EYA2: variants seen among roughly 807,000 people sequenced by gnomAD.
The protein encoded by EYA2 is protein phosphatase EYA2.
Under a neutral mutation model 69.2 loss-of-function variants are expected in EYA2, and 31 were observed. The ratio of observed to expected loss-of-function variants is 0.45; its 90% CI spans 0.34 to 0.60. The LOEUF (loss-of-function observed/expected upper bound fraction) is 0.60, where lower values mean the gene tolerates loss of function less well. Among genes scored for constraint, EYA2 ranks in the 20% least tolerant of loss-of-function variants. The pLI is 0.02. For synonymous variants in EYA2, 257 were observed against 279.4 expected, an observed-to-expected ratio of 0.92 and a Z score of 0.80; for missense variants, 622 against 701.2, an observed-to-expected ratio of 0.89 and a Z score of 1.28.
chr20:47,057,082 A>AG (rs1237753164), intron 5 of EYA2, among the ~76,000 whole-genome samples: 1 of 116,254 alleles, frequency 8.6e-6, no homozygotes, highest in East Asian at 3.0e-4. Context: ...GGAGGGAGGG[A>AG]GGAAGGAAGA....
At chr20:47,179,679 A>T (rs2034500444) in intron 12 of EYA2, 119 bp from the exon 13 acceptor site, 1 of 639,236 alleles carries the variant, frequency 1.6e-6, no homozygotes, top group East Asian at 2.8e-5. Flanking sequence ...ATTGAAGTTT[A>T]CTTTGGGTTG....
At chr20:47,125,215 G>A (rs2033155807) in intron 9 of EYA2, among the ~76,000 whole-genome samples, 5 of 151,922 alleles carry the variant, frequency 3.3e-5, no homozygotes, top group South Asian at 2.1e-4. Flanking sequence ...CACTATGCCC[G>A]GCTAATTTTT....
rs115089277 is a variant in EYA2, at chr20:47,167,105, C to T, written c.979-2034C>T. ...ACATGGGACATGGCATCCCTTACGA[C>T]TCTTGGCTGCAAAGTGCCAGAAACC... On this transcript the variant is annotated intron_variant, in intron 10 of 15. Coordinates refer to ENST00000327619, the MANE Select transcript of EYA2 (RefSeq NM_005244.5). 4.2e-3 allele frequency: 655 copies of T among 154,648 alleles called. 4 individuals are homozygous for T. Among genetic ancestry groups the T allele is most frequent in the African/African-American group, 0.015 (610 of 41,504 alleles). The allele number at this position is 154,648 out of a possible 1,614,324, so 9.6% of individuals were successfully genotyped here. A position where few individuals can be genotyped will look rare whatever the true frequency, so the allele number is the denominator to read the frequency against.
At chr20:46,898,394 AACACACACACAC>A (rs3085766) in intron 1 of EYA2, among the ~76,000 whole-genome samples, 4 of 146,466 alleles carry the variant, frequency 2.7e-5, no homozygotes, top group African/African-American at 1.0e-4. Flanking sequence ...GTTGACAGAA[AACACACACACAC>A]ACACACACAC....
chr20:47,001,594 C>A, intron 3 of EYA2, 121 bp downstream of exon 3: 1 of 1,037,072 alleles, frequency 9.6e-7, no homozygotes, highest in South Asian at 1.3e-5. Context: ...AGCCGTAGCA[C>A]TTCCTAGCTG....
chr20:47,080,439 GA>G, intron 7 of EYA2, among the ~76,000 whole-genome samples: 2 of 117,066 alleles, frequency 1.7e-5, no homozygotes, highest in Admixed American at 1.8e-4. Context: ...GGAAATGAGG[GA>G]GGGGGGAGGG....
At chr20:47,107,945 G>T (rs1221059321) in intron 9 of EYA2, among the ~76,000 whole-genome samples, 1 of 151,874 alleles carries the variant, frequency 6.6e-6, no homozygotes, top group African/African-American at 2.4e-5. Flanking sequence ...GAAGGAAGTG[G>T]AGGAACAGAA....
chr20:47,154,822 TGTGTGTG>T (rs2033890240), intron 10 of EYA2, among the ~76,000 whole-genome samples: 1 of 91,172 alleles, frequency 1.1e-5, no homozygotes, highest in African/African-American at 5.2e-5. Context: ...TTTTGTTTTG[TGTGTGTG>T]TGTGTGTGTG....
intron 5 of EYA2, among the ~76,000 whole-genome samples, chr20:47,035,512 G>C (rs1465662788): frequency 6.6e-6 from 1 of 152,072 alleles, no homozygotes; most frequent in East Asian, 1.9e-4. Flanking sequence ...CTTCCCGAAG[G>C]GGAAGAAAAA....
At chr20:47,156,663 G>A (rs1030915326) in intron 10 of EYA2, among the ~76,000 whole-genome samples, 3 of 151,916 alleles carry the variant, frequency 2.0e-5, no homozygotes, top group Admixed American at 6.5e-5. Flanking sequence ...CTGCCCAATG[G>A]TCATTAATAC....
intron 7 of EYA2, among the ~76,000 whole-genome samples, chr20:47,081,726 C>A (rs2031726124): frequency 6.8e-6 from 1 of 146,616 alleles, no homozygotes; most frequent in South Asian, 2.2e-4. Context: ...TTGCAGCGAG[C>A]CAAGATTTTA....
intron 2 of EYA2, among the ~76,000 whole-genome samples, chr20:47,000,511 C>T (rs116739227): frequency 0.014 from 2,081 of 152,292 alleles, 55 homozygotes; most frequent in African/African-American, 0.047. Flanking sequence ...GGCAGGTTGA[C>T]GCTGTTCCCA....
At chr20:46,912,331 G>A (rs1206557819) in intron 1 of EYA2, among the ~76,000 whole-genome samples, 2 of 152,338 alleles carry the variant, frequency 1.3e-5, no homozygotes, top group South Asian at 4.1e-4. Context: ...TGTGTACGAG[G>A]TGAGACTTTT....
intron 8 of EYA2, among the ~76,000 whole-genome samples, chr20:47,093,991 G>A (rs2032169119): frequency 6.6e-6 from 1 of 152,064 alleles, no homozygotes; most frequent in Non-Finnish European, 1.5e-5. Flanking sequence ...TTTCTTCCTA[G>A]CCCCAATTTT....
At chr20:47,071,083 C>G (rs554818050) in intron 5 of EYA2, among the ~76,000 whole-genome samples, 1 of 152,016 alleles carries the variant, frequency 6.6e-6, no homozygotes, top group Non-Finnish European at 1.5e-5. Flanking sequence ...AGTCTTGGCT[C>G]GCTGCTACCT....
intron 15 of EYA2, 47 bp downstream of exon 15, chr20:47,183,438 C>G (rs1251001021): frequency 4.5e-6 from 7 of 1,562,298 alleles, no homozygotes; most frequent in East Asian, 2.2e-5. Flanking sequence ...CTTTCGAGCA[C>G]CCCTCGTGGT....
At chr20:47,008,537 C>T (rs1982868030) in intron 4 of EYA2, among the ~76,000 whole-genome samples, 1 of 152,180 alleles carries the variant, frequency 6.6e-6, no homozygotes, top group South Asian at 2.1e-4. Context: ...TGGCTGACAG[C>T]CAAGAAAAAT....
intron 5 of EYA2, among the ~76,000 whole-genome samples, chr20:47,065,302 A>G (rs375856840): frequency 5.9e-5 from 9 of 152,354 alleles, no homozygotes; most frequent in African/African-American, 2.2e-4. Flanking sequence ...GTCATGAAGG[A>G]CAAGGGCTTC....
chr20:47,185,052 C>T (rs1163285093), intron 15 of EYA2, among the ~76,000 whole-genome samples: 1 of 152,110 alleles, frequency 6.6e-6, no homozygotes, highest in African/African-American at 2.4e-5. Context: ...CCCAGGCCAC[C>T]GGAAATCTGA....
Sources: allele counts gnomAD v4.1 joint callset (sites outside exome capture counted in the v4.1 genomes callset), GRCh38; gene constraint gnomAD v4.1.1; transcripts MANE v1.5; gene names NCBI Gene and HGNC (gene_info 2026-07-23, HGNC 2026-07-21).